MAEL: variants seen among roughly 807,000 people sequenced by gnomAD.
MAEL encodes the protein maelstrom spermatogenic transposon silencer.
In MAEL, 46 loss-of-function variants were observed where a neutral mutation model predicts 62.0. The observed-to-expected ratio is 0.74, with a 90% CI of 0.59 to 0.95. The LOEUF is 0.95. Among genes scored for constraint, MAEL ranks in the 40% least tolerant of loss-of-function variants. The pLI is 0.00. For missense variants in MAEL, 497 were observed against 526.8 expected, an observed-to-expected ratio of 0.94 and a Z score of 0.55; for synonymous variants, 172 against 175.5, an observed-to-expected ratio of 0.98 and a Z score of 0.16.
chr1:167,017,576 T>A (rs977655148), intron 9 of MAEL, among the ~76,000 whole-genome samples: 3 of 152,190 alleles, frequency 2.0e-5, no homozygotes, highest in Non-Finnish European at 4.4e-5. Context: ...GTAATCTTTA[T>A]CTTCATTGCC....
At chr1:166,987,410 A>T (rs1455497965), upstream of MAEL, among the ~76,000 whole-genome samples, 1 of 152,224 alleles carries the variant, frequency 6.6e-6, no homozygotes, top group Non-Finnish European at 1.5e-5. Context: ...GCCACAATTT[A>T]TCAGTTCACC....
chr1:167,016,392 T>C (rs1477528268), intron 9 of MAEL, 108 bp downstream of exon 9: 6 of 990,426 alleles, frequency 6.1e-6, no homozygotes, highest in South Asian at 4.1e-5. Context: ...GTTTCCACAA[T>C]GCTCTTTCAA....
In MAEL at chr1:167,017,987, G is replaced by T. The variant is rs147413757; in HGVS notation, c.1041+28G>T. On this transcript the variant is annotated intron_variant, in intron 10 of 11. Transcript: ENST00000367872. ...AAGGAACTGACTTTTAAGAGCTGCT[G>T]GTCTCTTTAGCTGTTCTACTCAATG... 19 of 1,609,294 alleles carry T rather than the reference G, an allele frequency of 1.2e-5. No homozygotes were observed. In the East Asian group the frequency reaches 4.2e-4, roughly 36 times the overall value.
chr1:167,001,453 ATTG>A (rs966400172), intron 5 of MAEL, among the ~76,000 whole-genome samples: 89 of 152,352 alleles, frequency 5.8e-4, no homozygotes, highest in African/African-American at 2.0e-3. Context: ...CAGCAAAAAG[ATTG>A]TTAAGTCACT....
At chr1:167,018,712 G>C (rs1396247633) in intron 10 of MAEL, among the ~76,000 whole-genome samples, 1 of 152,172 alleles carries the variant, frequency 6.6e-6, no homozygotes. Context: ...ATTCATCCTA[G>C]TTAATTATGC....
chr1:167,003,656 A>C (rs1192894777), intron 5 of MAEL, among the ~76,000 whole-genome samples: 2 of 152,198 alleles, frequency 1.3e-5, no homozygotes, highest in Admixed American at 6.5e-5. Context: ...TATATTCTCT[A>C]ATCTTAACCC....
upstream of MAEL, chr1:166,989,190 T>A: frequency 1.1e-6 from 1 of 932,296 alleles, no homozygotes; most frequent in Non-Finnish European, 1.6e-6. Context: ...AGTCTCAGGC[T>A]GTTTGTTCCC....
At chr1:167,006,330 A>C (rs920025735) in intron 8 of MAEL, among the ~76,000 whole-genome samples, 1 of 151,836 alleles carries the variant, frequency 6.6e-6, no homozygotes, top group Non-Finnish European at 1.5e-5. Flanking sequence ...TCTTATTTTC[A>C]CTTTCATGAT....
intron 1 of MAEL, 74 bp downstream of exon 1, chr1:166,989,558 G>A: frequency 6.5e-7 from 1 of 1,541,136 alleles, no homozygotes; most frequent in East Asian, 2.4e-5. Context: ...GAGGGCAGAA[G>A]GCCTCGAGGA....
intron 1 of MAEL, among the ~76,000 whole-genome samples, chr1:166,982,104 T>C (rs79951822): frequency 0.044 from 6,771 of 152,204 alleles, 524 homozygotes; most frequent in African/African-American, 0.15. Context: ...GAGGTAGAAT[T>C]CACATGTATA....
rs1266065665 is a variant in MAEL, at chr1:166,991,497, T to A, written c.325+20T>A. On this transcript the variant is annotated intron_variant, in intron 3 of 11. Coordinates refer to ENST00000367872, the MANE Select transcript of MAEL (RefSeq NM_032858.3). Reference sequence around the variant, plus strand: ...ATCAAGGTAGAGTAATCCTGAAATATTTTGCTGAGATAAATTTGAGTGCCC... The same window carrying A: ...ATCAAGGTAGAGTAATCCTGAAATAATTTGCTGAGATAAATTTGAGTGCCC... 6.6e-7 allele frequency: 1 copy of A among 1,504,468 alleles called. No individual in the cohort carries two copies. Among genetic ancestry groups the A allele is most frequent in the African/African-American group, 1.4e-5 (1 of 72,748 alleles). 93.2% of individuals were successfully genotyped at this position (1,504,468 alleles called of 1,614,324 possible).
chr1:166,985,230 C>T (rs1398388162), upstream of MAEL, among the ~76,000 whole-genome samples: 1 of 152,070 alleles, frequency 6.6e-6, no homozygotes, highest in African/African-American at 2.4e-5. Flanking sequence ...GTGGAGTCTC[C>T]TTGAGTTGAG....
Position 166,989,291 on chromosome 1 carries a change from G to C in MAEL, c.-62G>C, listed in dbSNP as rs1664044531. The C allele has an allele frequency of 6.4e-7, 1 of 1,557,962 alleles. No individual in the cohort carries two copies. The highest frequency in any genetic ancestry group is 1.4e-5 in the African/African-American group (1 of 73,980). ...CGCCTACCTCTGTTACTTAGGGCGG[G>C]AGCCCGGCGAGGGCGCCGGTGCTTT... On this transcript the variant is annotated 5_prime_UTR_variant, in exon 1 of 12. Transcript: ENST00000367872.
At chr1:167,019,903 A>G (rs1665553295) in intron 10 of MAEL, among the ~76,000 whole-genome samples, 1 of 152,076 alleles carries the variant, frequency 6.6e-6, no homozygotes, top group Non-Finnish European at 1.5e-5. Context: ...CCCTACACAT[A>G]GTCCTTCCAG....
chr1:166,980,212 G>T (rs1241703904), intron 1 of MAEL, among the ~76,000 whole-genome samples: 1 of 151,480 alleles, frequency 6.6e-6, no homozygotes, highest in Admixed American at 6.6e-5. Context: ...TTTTTTTAGA[G>T]ACTGCATCTT....
chr1:166,983,989 G>A (rs1264696905), intron 1 of MAEL, among the ~76,000 whole-genome samples: 1 of 133,008 alleles, frequency 7.5e-6, no homozygotes, highest in Non-Finnish European at 1.6e-5. Context: ...TTGACAGAAT[G>A]AGATCCTGTC....
At chr1:166,989,119 G>A, upstream of MAEL, 1 of 555,862 alleles carries the variant, frequency 1.8e-6, no homozygotes, top group Non-Finnish European at 3.2e-6. Context: ...AGAGCACTTG[G>A]CACCTGCGAC....
upstream of MAEL, among the ~76,000 whole-genome samples, chr1:166,987,253 T>G (rs1007031490): frequency 3.9e-5 from 6 of 152,188 alleles, no homozygotes; most frequent in African/African-American, 1.4e-4. Flanking sequence ...TTTTACCTTT[T>G]CTCAAGTTCT....
chr1:166,989,344 C>A lies in MAEL; in HGVS notation c.-9C>A, dbSNP rs147719038. ...TCTGTCTGAGGCCAGGAAGTTTGACCGCGCTGCCATGCCGAACCGTAAGGC... is the reference window on the plus strand; with the variant it reads ...TCTGTCTGAGGCCAGGAAGTTTGACAGCGCTGCCATGCCGAACCGTAAGGC... On this transcript the variant is annotated 5_prime_UTR_variant, in exon 1 of 12. Coordinates refer to ENST00000367872, the MANE Select transcript of MAEL (RefSeq NM_032858.3). 5.0e-6 allele frequency: 8 copies of A among 1,606,832 alleles called. No homozygotes were observed. Among genetic ancestry groups the A allele is most frequent in the Non-Finnish European group, 5.1e-6 (6 of 1,176,926 alleles).
Sources: allele counts gnomAD v4.1 joint callset (sites outside exome capture counted in the v4.1 genomes callset), GRCh38; gene constraint gnomAD v4.1.1; transcripts MANE v1.5; gene names NCBI Gene and HGNC (gene_info 2026-07-23, HGNC 2026-07-21).